PAH: variants seen among roughly 807,000 people sequenced by gnomAD.
PAH encodes the protein phenylalanine hydroxylase.
A neutral mutation model predicts 62.0 loss-of-function variants in PAH; 64 were observed. That is an observed-to-expected ratio of 1.03 (90% confidence interval 0.84 to 1.27). The LOEUF is 1.27. PAH is among the 50% of genes most tolerant of loss of function. The pLI, the probability that PAH is intolerant of heterozygous loss-of-function variation, is 0.00. For missense variants in PAH, 579 were observed against 542.8 expected, an observed-to-expected ratio of 1.07 and a Z score of -0.66; for synonymous variants, 195 against 196.2, an observed-to-expected ratio of 0.99 and a Z score of 0.05.
At chr12:102,895,715 G>A (rs1263060006) in intron 2 of PAH, among the ~76,000 whole-genome samples, 1 of 151,730 alleles carries the variant, frequency 6.6e-6, no homozygotes, top group East Asian at 1.9e-4. Flanking sequence ...TGGGCATGGT[G>A]GTGTGTGCCT....
chr12:102,847,036 T>C (rs183098133), intron 8 of PAH, 85 bp from the exon 9 acceptor site: 4 of 1,113,476 alleles, frequency 3.6e-6, no homozygotes, highest in Non-Finnish European at 5.5e-6. Flanking sequence ...AAAAAGGTGA[T>C]GGGTGGCCAG....
rs1386716852 is a variant in PAH, at chr12:102,939,857, GC to G, written c.-96+10731del. 3.5e-4 allele frequency among the ~76,000 whole-genome samples: 54 copies of G among 152,268 alleles called. 1 individual carries two copies. Among genetic ancestry groups the G allele is most frequent in the Non-Finnish European group, 1.0e-4 (7 of 68,006 alleles). ...AGGGAGGAAACAAAAGCCCAAGCTT[GC>G]CCCAGGGCTGCAGTGTGCAGCCTGG... On this transcript the variant is annotated intron_variant, in intron 1 of 3. Coordinates refer to the PAH transcript ENST00000546844.
chr12:102,894,791 C>T lies in PAH; in HGVS notation c.296G>A (p.Arg99Lys). The change falls in exon 3 of 13, where the codon AGG (arginine) becomes AAG (lysine). Residue 99 changes from arginine (R) to lysine (K), a missense_variant. Transcript: ENST00000553106. ...PALTNIIKIL[R>K]HDIGATVHEL... ...ATGGACAGTGGCACCAATGTCATGC[C>T]TCAAGATCTTGATGATGTTTGTCAG... The T allele has an allele frequency of 6.2e-7, 1 of 1,614,010 alleles. No individual in the cohort carries two copies. Among genetic ancestry groups the T allele is most frequent in the Non-Finnish European group, 8.5e-7 (1 of 1,179,982 alleles).
intron 3 of PAH, among the ~76,000 whole-genome samples, chr12:102,883,147 C>A (rs1407330554): frequency 1.3e-5 from 2 of 152,160 alleles, no homozygotes; most frequent in African/African-American, 4.8e-5. Flanking sequence ...ATTCAGAGAC[C>A]TGTGGGATCC....
intron 11 of PAH, among the ~76,000 whole-genome samples, chr12:102,841,167 G>T (rs1266854849): frequency 1.3e-5 from 2 of 152,144 alleles, no homozygotes; most frequent in African/African-American, 4.8e-5. Flanking sequence ...TATGCAGCTG[G>T]GAAGGAACCC....
chr12:102,843,902 C>T (rs1438747175), intron 10 of PAH, 123 bp from the exon 11 acceptor site: 14 of 1,100,682 alleles, frequency 1.3e-5, no homozygotes, highest in Non-Finnish European at 1.8e-5. Flanking sequence ...CATCACAGCC[C>T]AAATGCTGTG....
At chr12:102,936,621 A>G (rs1357393428) in intron 1 of PAH, among the ~76,000 whole-genome samples, 2 of 152,178 alleles carry the variant, frequency 1.3e-5, no homozygotes, top group African/African-American at 4.8e-5. Flanking sequence ...TTACCACTTT[A>G]TCATTATATA....
chr12:102,852,806 A>G lies in PAH; in HGVS notation c.842+9T>C, dbSNP rs748919094. Reference sequence around the variant, plus strand: ...GCCTGGCAACTGGTAGCTGGAGGACAGTACTCACGGTTCGGGGGTATACAT... The same window carrying G: ...GCCTGGCAACTGGTAGCTGGAGGACGGTACTCACGGTTCGGGGGTATACAT... On this transcript the variant is annotated intron_variant, in intron 7 of 12. Transcript: ENST00000553106. The G allele has an allele frequency of 1.9e-6, 3 of 1,614,050 alleles. No individual in the cohort carries two copies. The highest frequency in any genetic ancestry group is 2.5e-6 in the Non-Finnish European group (3 of 1,179,926).
At chr12:102,930,561 C>A (rs1030694289) in intron 1 of PAH, among the ~76,000 whole-genome samples, 3 of 152,166 alleles carry the variant, frequency 2.0e-5, no homozygotes, top group African/African-American at 7.2e-5. Flanking sequence ...ATATTGACAT[C>A]TTTTGCACTG....
chr12:102,895,297 A>C (rs1877453192), intron 2 of PAH, among the ~76,000 whole-genome samples: 1 of 152,220 alleles, frequency 6.6e-6, no homozygotes, highest in South Asian at 2.1e-4. Context: ...TACAATAAAT[A>C]AATAATATAG....
chr12:102,844,294 C>T (rs931082114), intron 10 of PAH, 42 bp downstream of exon 10: 2 of 1,357,928 alleles, frequency 1.5e-6, no homozygotes, highest in South Asian at 1.2e-5. Context: ...TTTCTGTACC[C>T]ACCACTTTTA....
rs766959541 is a variant in PAH at position 102,910,372 on chromosome 12, C to CTT, written c.168+2417_168+2418dup. On this transcript the variant is annotated intron_variant, in intron 2 of 12. Transcript: ENST00000553106. ...GTTCTTTGCAACCTCCTTGAAATTC[C>CTT]TTTTTTTTTTTTTTTGGGGAGGGAG... 2.7e-4 allele frequency among the ~76,000 whole-genome samples: 38 copies of CTT among 141,448 alleles called. 1 individual carries two copies. Among genetic ancestry groups the CTT allele is most frequent in the African/African-American group, 7.7e-4 (30 of 39,010 alleles). 92.8% of individuals were successfully genotyped at this position (141,448 alleles called of 152,430 possible). A position where few individuals can be genotyped will look rare whatever the true frequency, so the allele number is the denominator to read the frequency against.
At chr12:102,880,242 T>G (rs1876760431) in intron 3 of PAH, among the ~76,000 whole-genome samples, 1 of 152,208 alleles carries the variant, frequency 6.6e-6, no homozygotes, top group Non-Finnish European at 1.5e-5. Flanking sequence ...GCATTTGCGT[T>G]GTACACTGAA....
intron 2 of PAH, among the ~76,000 whole-genome samples, chr12:102,897,472 T>C: frequency 9.4e-6 from 1 of 106,542 alleles, no homozygotes; most frequent in East Asian, 2.6e-4. Context: ...TGTGTATATA[T>C]ATATATATAT....
upstream of PAH, chr12:102,917,427 T>G: frequency 6.8e-6 from 3 of 443,170 alleles, no homozygotes; most frequent in Non-Finnish European, 1.3e-5. Flanking sequence ...CTGCCCGCCC[T>G]GGGTAAAGGG....
At chr12:102,897,469 A>G (rs200499303) in intron 2 of PAH, among the ~76,000 whole-genome samples, 48 of 101,278 alleles carry the variant, frequency 4.7e-4, no homozygotes, top group Non-Finnish European at 7.1e-4. Flanking sequence ...GTGTGTGTAT[A>G]TATATATATA....
At chr12:102,841,247 G>A (rs1874581931) in intron 11 of PAH, among the ~76,000 whole-genome samples, 1 of 152,150 alleles carries the variant, frequency 6.6e-6, no homozygotes, top group African/African-American at 2.4e-5. Context: ...GGATCTGGGA[G>A]AAATCCACCA....
intron 1 of PAH, among the ~76,000 whole-genome samples, chr12:102,915,877 A>G (rs1471405750): frequency 6.6e-6 from 1 of 152,162 alleles, no homozygotes; most frequent in Non-Finnish European, 1.5e-5. Context: ...TTACTATATA[A>G]CACGACACTA....
At chr12:102,922,585 C>T (rs1878583872) in intron 1 of PAH, among the ~76,000 whole-genome samples, 1 of 152,158 alleles carries the variant, frequency 6.6e-6, no homozygotes, top group South Asian at 2.1e-4. Context: ...TTTGTAATGG[C>T]TCCATTGTAT....
Sources: gnomAD v4.1 joint callset for allele counts (sites outside exome capture counted in the v4.1 genomes callset) on GRCh38, gnomAD v4.1.1 for gene constraint, MANE v1.5 for transcripts, NCBI Gene and HGNC (gene_info 2026-07-23, HGNC 2026-07-21) for gene names.